Variants in LSM14A observed in about 807,000 individuals in gnomAD.
LSM14A encodes the protein protein LSM14 homolog A.
LSM14A carries 14 observed loss-of-function variants against 52.4 expected under a neutral mutation model. The ratio of observed to expected loss-of-function variants is 0.27; its 90% confidence interval spans 0.18 to 0.42. LSM14A has a LOEUF of 0.42. Among genes scored for constraint, LSM14A ranks in the 10% least tolerant of loss-of-function variants. The pLI is 1.00. For missense variants in LSM14A, 417 were observed against 581.8 expected, an observed-to-expected ratio of 0.72 and a Z score of 2.91; for synonymous variants, 185 against 200.3, an observed-to-expected ratio of 0.92 and a Z score of 0.64.
intron 6 of LSM14A, among the ~76,000 whole-genome samples, chr19:34,218,555 C>T (rs931213856): frequency 3.3e-5 from 5 of 152,178 alleles, no homozygotes; most frequent in African/African-American, 9.7e-5. Flanking sequence ...GAGCATTTCA[C>T]GCAATTGTGA....
intron 1 of LSM14A, among the ~76,000 whole-genome samples, chr19:34,183,291 G>A (rs913518814): frequency 1.2e-4 from 18 of 152,228 alleles, no homozygotes; most frequent in African/African-American, 3.4e-4. Context: ...AGTGGCTCAC[G>A]CCTGTAATCC....
chr19:34,173,455 A>G (rs1030415259), intron 1 of LSM14A, among the ~76,000 whole-genome samples: 42 of 152,196 alleles, frequency 2.8e-4, no homozygotes, highest in African/African-American at 1.0e-3. Context: ...AGCTTGATCC[A>G]GGATCCTTCT....
chr19:34,226,088 T>C (rs553517595), intron 9 of LSM14A, among the ~76,000 whole-genome samples: 1 of 151,844 alleles, frequency 6.6e-6, no homozygotes, highest in East Asian at 1.9e-4. Flanking sequence ...GAAAGAAATA[T>C]AACCTTATGG....
chr19:34,188,151 G>A (rs986209731), intron 1 of LSM14A, among the ~76,000 whole-genome samples: 20 of 152,018 alleles, frequency 1.3e-4, no homozygotes, highest in Admixed American at 1.1e-3. Context: ...GCCAGGTGTA[G>A]TGTGTGTGCC....
Position 34,199,902 on chromosome 19 carries a change from G to A in LSM14A, c.415+3139G>A, listed in dbSNP as rs141708804. Among the ~76,000 whole-genome samples, 403 of 152,306 alleles carry A rather than the reference G, an allele frequency of 2.6e-3. 1 individual carries two copies. Among genetic ancestry groups the A allele is most frequent in the Non-Finnish European group, 4.6e-3 (310 of 68,022 alleles). ...TGAAGTCATTGGGTGAAAGGTGTTAGGACAGCATATTAAGGTGGTCTTAAA... is the reference window on the plus strand; with the variant it reads ...TGAAGTCATTGGGTGAAAGGTGTTAAGACAGCATATTAAGGTGGTCTTAAA... On this transcript the variant is annotated intron_variant, in intron 3 of 9. Transcript: ENST00000544216.
At chr19:34,200,570 CAG>C (rs1435884721) in intron 3 of LSM14A, among the ~76,000 whole-genome samples, 3 of 152,070 alleles carry the variant, frequency 2.0e-5, no homozygotes, top group South Asian at 2.1e-4. Flanking sequence ...GATGGAGAAA[CAG>C]AGTGGGTTTG....
intron 1 of LSM14A, among the ~76,000 whole-genome samples, chr19:34,181,439 A>G (rs2069475188): frequency 6.6e-6 from 1 of 152,200 alleles, no homozygotes; most frequent in Admixed American, 6.5e-5. Context: ...TTATTCCTAC[A>G]TATGAAGTTT....
chr19:34,182,681 C>CAAA (rs74177115), intron 1 of LSM14A, among the ~76,000 whole-genome samples: 26 of 108,776 alleles, frequency 2.4e-4, no homozygotes, highest in South Asian at 9.7e-4. Flanking sequence ...ACTAAAAATA[C>CAAA]AAAAAAAAAA....
intron 1 of LSM14A, among the ~76,000 whole-genome samples, chr19:34,183,905 C>G: frequency 6.6e-6 from 1 of 152,080 alleles, no homozygotes; most frequent in African/African-American, 2.4e-5. Context: ...TGTGCGGTCC[C>G]GTGAAAGTTG....
chr19:34,227,095 A>G (rs1426504066), intron 9 of LSM14A, among the ~76,000 whole-genome samples: 4 of 152,170 alleles, frequency 2.6e-5, no homozygotes, highest in African/African-American at 9.7e-5. Context: ...AGGGAGAACA[A>G]CCAAAGATGA....
rs1265591868 is a variant in LSM14A at position 34,208,808 on chromosome 19, T to C, written c.416-121T>C. 1.3e-5 allele frequency: 9 copies of C among 682,882 alleles called. No individual in the cohort carries two copies. In the Admixed American group the frequency reaches 2.8e-4, roughly 21 times the overall value. The allele number at this position is 682,882 out of a possible 1,614,324, so 42.3% of individuals were successfully genotyped here. A position where few individuals can be genotyped will look rare whatever the true frequency, so the allele number is the denominator to read the frequency against. On this transcript the variant is annotated intron_variant, in intron 3 of 9. Transcript: ENST00000544216. ...TTTAATTTCCAAGATTATTAATTTG[T>C]ACAGATGCTGGGGGGAGAGGTAGAC...
intron 1 of LSM14A, among the ~76,000 whole-genome samples, chr19:34,184,241 C>T (rs537879643): frequency 3.3e-4 from 50 of 151,956 alleles, no homozygotes; most frequent in African/African-American, 1.1e-3. Flanking sequence ...TTTTAAGAGA[C>T]GGGGTTTCAC....
At position 34,215,578 on chromosome 19, in the gene LSM14A, G is replaced by T; in HGVS notation, c.716-18G>T. 6 of 1,601,474 alleles carry T rather than the reference G, an allele frequency of 3.7e-6. No homozygotes were observed. Among genetic ancestry groups the T allele is most frequent in the East Asian group, 2.2e-5 (1 of 44,806 alleles). Reference sequence around the variant, plus strand: ...GTACCCTGAGTTGATTTGGCACTTTGCATGTCTTCTTCTGTAGCTGAAGTA... The same window carrying T: ...GTACCCTGAGTTGATTTGGCACTTTTCATGTCTTCTTCTGTAGCTGAAGTA... On this transcript the variant is annotated intron_variant, in intron 5 of 9. Coordinates refer to ENST00000544216, the MANE Select transcript of LSM14A (RefSeq NM_015578.4).
At chr19:34,197,500 A>C in intron 3 of LSM14A, among the ~76,000 whole-genome samples, 1 of 121,838 alleles carries the variant, frequency 8.2e-6, no homozygotes, top group African/African-American at 3.3e-5. Flanking sequence ...GTGCAGTGGC[A>C]TGATCTCCGC....
At chr19:34,196,282 T>C (rs959425305) in intron 2 of LSM14A, among the ~76,000 whole-genome samples, 5 of 152,142 alleles carry the variant, frequency 3.3e-5, no homozygotes, top group African/African-American at 1.2e-4. Flanking sequence ...AACATCAGAC[T>C]AAAACTCATT....
chr19:34,211,326 A>C (rs757752874), intron 4 of LSM14A, among the ~76,000 whole-genome samples: 4 of 152,062 alleles, frequency 2.6e-5, no homozygotes, highest in Non-Finnish European at 5.9e-5. Flanking sequence ...ATAGTCCTAA[A>C]GCCTAATCCA....
chr19:34,199,275 C>T (rs1463351509), intron 3 of LSM14A, among the ~76,000 whole-genome samples: 1 of 152,016 alleles, frequency 6.6e-6, no homozygotes, highest in Non-Finnish European at 1.5e-5. Context: ...TAGGCATGCA[C>T]CACCACTCCC....
intron 1 of LSM14A, among the ~76,000 whole-genome samples, chr19:34,173,533 G>A (rs1346873068): frequency 6.6e-6 from 1 of 152,162 alleles, no homozygotes; most frequent in African/African-American, 2.4e-5. Context: ...GAGGCTCTCT[G>A]GGAAAGGGAA....
intron 1 of LSM14A, among the ~76,000 whole-genome samples, chr19:34,182,934 C>T (rs1451685891): frequency 6.6e-6 from 1 of 151,880 alleles, no homozygotes; most frequent in Non-Finnish European, 1.5e-5. Flanking sequence ...TCTCCCCCTC[C>T]TCTTTCTAGC....
Sources: allele counts gnomAD v4.1 joint callset (sites outside exome capture counted in the v4.1 genomes callset), GRCh38; gene constraint gnomAD v4.1.1; transcripts MANE v1.5; gene names NCBI Gene and HGNC (gene_info 2026-07-23, HGNC 2026-07-21).